DGLUCY: variants seen among roughly 807,000 people sequenced by gnomAD.
The protein encoded by DGLUCY is D-glutamate cyclase, mitochondrial.
A neutral mutation model predicts 58.5 loss-of-function variants in DGLUCY; 58 were observed. That is an observed-to-expected ratio of 0.99 (90% CI 0.80 to 1.23). DGLUCY has a LOEUF of 1.23. Among genes scored for constraint, DGLUCY ranks in the 50% most tolerant of loss-of-function variants. DGLUCY has a pLI of 0.00. For synonymous variants in DGLUCY, 325 were observed against 314.1 expected, an observed-to-expected ratio of 1.03 and a Z score of -0.37; for missense variants, 779 against 784.7, an observed-to-expected ratio of 0.99 and a Z score of 0.09.
At position 91,143,170 on chromosome 14, in the gene DGLUCY, A is replaced by C. The variant is rs544641565; in HGVS notation, c.-81-14469A>C. Among the ~76,000 whole-genome samples, 5 of 151,110 alleles carry C rather than the reference A, an allele frequency of 3.3e-5. No homozygotes were observed. The South Asian group carries it at 1.0e-3, about 32-fold the overall frequency. ...GAGTGCAGTGGCGCAATCTCGGCTCACTGCAAGCTCTGCCTCCCGGGTTCA... is the reference window on the plus strand; with the variant it reads ...GAGTGCAGTGGCGCAATCTCGGCTCCCTGCAAGCTCTGCCTCCCGGGTTCA... On this transcript the variant is annotated intron_variant, in intron 1 of 13. Coordinates refer to ENST00000256324, the MANE Select transcript of DGLUCY (RefSeq NM_001102368.3).
intron 13 of DGLUCY, chr14:91,223,597 C>T (rs1463275874): frequency 1.7e-6 from 2 of 1,146,826 alleles, no homozygotes; most frequent in African/African-American, 3.2e-5. Flanking sequence ...GTGGCTTGGG[C>T]AAGTGGTGCT....
chr14:91,100,825 C>T (rs1595642628), intron 1 of DGLUCY, among the ~76,000 whole-genome samples: 1 of 152,286 alleles, frequency 6.6e-6, no homozygotes, highest in East Asian at 1.9e-4. Context: ...AATCCCAGCA[C>T]TTTGGGAAGC....
chr14:91,176,858 T>C (rs2048881916), intron 7 of DGLUCY, among the ~76,000 whole-genome samples: 1 of 152,198 alleles, frequency 6.6e-6, no homozygotes, highest in Non-Finnish European at 1.5e-5. Flanking sequence ...CACCTCAGCC[T>C]CCCAAAGTGC....
rs1309299333 is a variant in DGLUCY, at chr14:91,170,128, T to C, written c.383T>C (p.Leu128Pro). ...TTCTTCCTGGGCTGCAGCTTCTCCC[T>C]GGAGGAGGCCTTGGAGAAAGCGGGG... ...VAFFLGCSFSLEEALEKAGLP... is the reference protein window; with the variant it reads ...VAFFLGCSFSPEEALEKAGLP... Residue 128 changes from leucine (L) to proline (P), a missense_variant, in exon 5 of 14, where the codon CTG becomes CCG. Leu to Pro is a moderately conservative substitution (Grantham distance 98). Transcript: ENST00000256324. 4.3e-6 allele frequency: 7 copies of C among 1,613,158 alleles called. No individual in the cohort carries two copies. Among genetic ancestry groups the C allele is most frequent in the Non-Finnish European group, 5.9e-6 (7 of 1,180,038 alleles).
intron 1 of DGLUCY, among the ~76,000 whole-genome samples, chr14:91,115,866 C>T (rs2044900956): frequency 6.6e-6 from 1 of 151,934 alleles, no homozygotes; most frequent in Non-Finnish European, 1.5e-5. Flanking sequence ...CACGTTTCCG[C>T]AGCTCGGCTG....
rs778769291 is a variant in DGLUCY at position 91,175,970 on chromosome 14, A to T, written c.644A>T (p.Tyr215Phe). Residue 215 changes from tyrosine (Y) to phenylalanine (F), a missense_variant, in exon 7 of 14, where the codon TAC (tyrosine) becomes TTC (phenylalanine). Tyr to Phe is a conservative substitution (Grantham distance 22). Coordinates refer to ENST00000256324, the MANE Select transcript of DGLUCY (RefSeq NM_001102368.3). Reference sequence around the variant, plus strand: ...ATCAAAGAGCTTTCCAAACCTGCCTACGGGGATGCCATGGTGTGTCCCCCA... The same window carrying T: ...ATCAAAGAGCTTTCCAAACCTGCCTTCGGGGATGCCATGGTGTGTCCCCCA... The part of the protein sequence containing the change: ...LGIKELSKPA[Y>F]GDAMVCPPGE... 6.2e-7 allele frequency: 1 copy of T among 1,613,980 alleles called. No homozygotes were observed. The highest frequency in any genetic ancestry group is 8.5e-7 in the Non-Finnish European group (1 of 1,179,900).
Position 91,062,611 on chromosome 14 carries a change from A to ATATAT in DGLUCY, c.-82+1907_-82+1908insTATAT, listed in dbSNP as rs1491583254. On this transcript the variant is annotated intron_variant, in intron 1 of 4. Coordinates refer to the DGLUCY transcript ENST00000521334. ...TATATATATATATATATATATATAT[A>ATATAT]AACAATCCTTAGCTCAAGGGCAGTT... Among the ~76,000 whole-genome samples the ATATAT allele has an allele frequency of 5.2e-3, 130 of 24,986 alleles. 7 individuals carry two copies. The highest frequency in any genetic ancestry group is 0.031 in the Middle Eastern group (1 of 32). The allele number at this position is 24,986 out of a possible 152,430, so 16.4% of individuals were successfully genotyped here. A position where few individuals can be genotyped will look rare whatever the true frequency, so the allele number is the denominator to read the frequency against.
chr14:91,212,296 T>G (rs1013295290), intron 12 of DGLUCY, among the ~76,000 whole-genome samples: 1 of 148,244 alleles, frequency 6.7e-6, no homozygotes, highest in Admixed American at 6.7e-5. Context: ...CATTTGACAC[T>G]AGGAATTTGA....
upstream of DGLUCY, among the ~76,000 whole-genome samples, chr14:91,106,719 A>AC (rs1365028672): frequency 4.1e-4 from 62 of 151,826 alleles, no homozygotes; most frequent in African/African-American, 1.4e-3. Flanking sequence ...AAAAAAAAAA[A>AC]AACTCACTTA....
intron 1 of DGLUCY, among the ~76,000 whole-genome samples, chr14:91,125,099 A>C (rs1169752460): frequency 6.6e-6 from 1 of 152,178 alleles, no homozygotes; most frequent in Non-Finnish European, 1.5e-5. Context: ...GTCCCATTCC[A>C]GCCAATGGAA....
upstream of DGLUCY, among the ~76,000 whole-genome samples, chr14:91,105,886 G>A (rs2044579762): frequency 6.6e-6 from 1 of 152,124 alleles, no homozygotes; most frequent in Admixed American, 6.5e-5. Flanking sequence ...TATTACTCCT[G>A]GGCCACAAAC....
At chr14:91,072,977 C>T (rs910206629) in intron 1 of DGLUCY, among the ~76,000 whole-genome samples, 1 of 151,966 alleles carries the variant, frequency 6.6e-6, no homozygotes, top group Admixed American at 6.6e-5. Flanking sequence ...CCACTGCACT[C>T]CAGCCTGGGT....
chr14:91,197,323 T>A (rs1451323570), intron 10 of DGLUCY, among the ~76,000 whole-genome samples: 2 of 152,218 alleles, frequency 1.3e-5, no homozygotes, highest in Non-Finnish European at 2.9e-5. Context: ...CAGGCTGGTC[T>A]TGAACTCCTA....
At chr14:91,209,514 C>T (rs548375261) in intron 12 of DGLUCY, among the ~76,000 whole-genome samples, 1 of 152,184 alleles carries the variant, frequency 6.6e-6, no homozygotes, top group East Asian at 1.9e-4. Context: ...TCGAGACCAT[C>T]CTGGCTAACA....
At chr14:91,162,460 A>G (rs1462383983) in intron 3 of DGLUCY, among the ~76,000 whole-genome samples, 3 of 152,172 alleles carry the variant, frequency 2.0e-5, no homozygotes, top group Non-Finnish European at 4.4e-5. Context: ...TCCAGAGTCC[A>G]CCATCCTCTC....
intron 13 of DGLUCY, among the ~76,000 whole-genome samples, chr14:91,218,774 G>C (rs1293142711): frequency 6.6e-6 from 1 of 152,182 alleles, no homozygotes; most frequent in Non-Finnish European, 1.5e-5. Context: ...GCCAGGCCCA[G>C]GCTTGCTCTA....
chr14:91,191,343 G>C (rs1162834605), intron 9 of DGLUCY, among the ~76,000 whole-genome samples: 1 of 152,172 alleles, frequency 6.6e-6, no homozygotes, highest in African/African-American at 2.4e-5. Context: ...GGTTCAGTTT[G>C]GGATGATGAG....
chr14:91,112,407 G>T (rs1042056695), upstream of DGLUCY, among the ~76,000 whole-genome samples: 5 of 152,170 alleles, frequency 3.3e-5, no homozygotes, highest in Non-Finnish European at 7.3e-5. Context: ...TAGACAGCAG[G>T]GCTCTGCAGG....
intron 1 of DGLUCY, among the ~76,000 whole-genome samples, chr14:91,135,797 T>C (rs925110729): frequency 6.6e-6 from 1 of 152,144 alleles, no homozygotes; most frequent in Non-Finnish European, 1.5e-5. Context: ...TAATTTTTTT[T>C]CTGCATTTAT....
Sources: gnomAD v4.1 joint callset for allele counts (sites outside exome capture counted in the v4.1 genomes callset) on GRCh38, gnomAD v4.1.1 for gene constraint, MANE v1.5 for transcripts, NCBI Gene and HGNC (gene_info 2026-07-23, HGNC 2026-07-21) for gene names.